Variants in CCDC148 observed in about 807,000 individuals in gnomAD.
The protein encoded by CCDC148 is coiled-coil domain-containing protein 148.
CCDC148 carries 89 observed loss-of-function variants against 85.7 expected under a neutral mutation model. The ratio of observed to expected loss-of-function variants is 1.04; its 90% CI spans 0.87 to 1.24. The LOEUF (loss-of-function observed/expected upper bound fraction) is 1.24, where lower values mean the gene tolerates loss of function less well. Among genes scored for constraint, CCDC148 ranks in the 50% most tolerant of loss-of-function variants. CCDC148 has a pLI of 0.00. For missense variants in CCDC148, 692 were observed against 671.7 expected, an observed-to-expected ratio of 1.03 and a Z score of -0.33; for synonymous variants, 230 against 213.9, an observed-to-expected ratio of 1.08 and a Z score of -0.66.
chr2:158,274,929 A>G (rs1689859289), intron 9 of CCDC148, among the ~76,000 whole-genome samples: 1 of 152,262 alleles, frequency 6.6e-6, no homozygotes, highest in Admixed American at 6.5e-5. Context: ...AGATAAAAGG[A>G]TTTCAAGATG....
At chr2:158,362,485 A>C (rs964511152) in intron 1 of CCDC148, among the ~76,000 whole-genome samples, 9 of 152,234 alleles carry the variant, frequency 5.9e-5, no homozygotes, top group Non-Finnish European at 1.3e-4. Context: ...ATCACAGTGC[A>C]ATCAAATTAG....
intron 9 of CCDC148, among the ~76,000 whole-genome samples, chr2:158,268,261 G>A (rs192910561): frequency 6.6e-6 from 1 of 152,184 alleles, no homozygotes; most frequent in East Asian, 1.9e-4. Flanking sequence ...TCAGAGTTTG[G>A]AGGGCTAGTT....
chr2:158,368,225 C>A (rs2105276972), intron 1 of CCDC148, among the ~76,000 whole-genome samples: 1 of 152,178 alleles, frequency 6.6e-6, no homozygotes, highest in East Asian at 1.9e-4. Flanking sequence ...GATGCCTGGG[C>A]CCCACCAGGG....
chr2:158,398,611 G>A (rs1685633972), intron 1 of CCDC148, among the ~76,000 whole-genome samples: 2 of 152,198 alleles, frequency 1.3e-5, no homozygotes, highest in African/African-American at 4.8e-5. Flanking sequence ...TACCACCTCT[G>A]GGACACATTT....
At chr2:158,204,734 A>T (rs2105285929) in intron 11 of CCDC148, among the ~76,000 whole-genome samples, 1 of 152,344 alleles carries the variant, frequency 6.6e-6, no homozygotes, top group Non-Finnish European at 1.5e-5. Flanking sequence ...GACTCTGTCC[A>T]AATTCATCTC....
At chr2:158,419,561 T>C (rs1032342082) in intron 1 of CCDC148, among the ~76,000 whole-genome samples, 1 of 152,190 alleles carries the variant, frequency 6.6e-6, no homozygotes, top group Non-Finnish European at 1.5e-5. Flanking sequence ...ATTTTTTAAT[T>C]TGTAAAATAG....
intron 2 of CCDC148, among the ~76,000 whole-genome samples, chr2:158,347,378 A>C (rs1286536918): frequency 6.6e-6 from 1 of 152,114 alleles, no homozygotes; most frequent in Non-Finnish European, 1.5e-5. Context: ...GACAATTCCA[A>C]TATTTTGCAG....
chr2:158,452,373 T>C (rs1167621238), intron 1 of CCDC148, among the ~76,000 whole-genome samples: 4 of 152,192 alleles, frequency 2.6e-5, no homozygotes, highest in Non-Finnish European at 5.9e-5. Context: ...TATTTCCAAG[T>C]AGATCCTTTC....
chr2:158,177,518 C>G (rs1208288561), intron 12 of CCDC148, among the ~76,000 whole-genome samples: 2 of 152,058 alleles, frequency 1.3e-5, no homozygotes, highest in African/African-American at 2.4e-5. Flanking sequence ...GAGATAACAG[C>G]TATTTCCTCT....
chr2:158,351,320 G>A (rs917393407), intron 2 of CCDC148, among the ~76,000 whole-genome samples: 2 of 152,200 alleles, frequency 1.3e-5, no homozygotes, highest in African/African-American at 4.8e-5. Context: ...TCCATCTGAG[G>A]TACCGGGTTC....
chr2:158,440,198 T>C (rs1687871490), intron 1 of CCDC148, among the ~76,000 whole-genome samples: 1 of 152,150 alleles, frequency 6.6e-6, no homozygotes, highest in Non-Finnish European at 1.5e-5. Context: ...ATATCAAGTG[T>C]TGACAAGAAT....
intron 1 of CCDC148, among the ~76,000 whole-genome samples, chr2:158,404,864 TAA>T (rs1250038229): frequency 6.6e-6 from 1 of 152,126 alleles, no homozygotes; most frequent in Non-Finnish European, 1.5e-5. Context: ...TGAAAACTTA[TAA>T]GAGTGGAATC....
intron 9 of CCDC148, among the ~76,000 whole-genome samples, chr2:158,269,150 A>T (rs1047911911): frequency 6.6e-6 from 1 of 152,144 alleles, no homozygotes; most frequent in Non-Finnish European, 1.5e-5. Flanking sequence ...CATTTTTTTC[A>T]TAATGGCTGT....
chr2:158,355,374 A>G (rs1683573511), intron 2 of CCDC148, among the ~76,000 whole-genome samples: 1 of 152,216 alleles, frequency 6.6e-6, no homozygotes, highest in Admixed American at 6.5e-5. Context: ...AAGCAACTTC[A>G]GCAAAGTCTC....
intron 2 of CCDC148, 106 bp downstream of exon 2, chr2:158,358,343 T>G: frequency 7.3e-7 from 1 of 1,367,372 alleles, no homozygotes; most frequent in Non-Finnish European, 1.0e-6. Context: ...TGGGAGTTTC[T>G]AACAACTATT....
chr2:158,262,203 A>AT (rs933405674), intron 9 of CCDC148, among the ~76,000 whole-genome samples: 51 of 151,990 alleles, frequency 3.4e-4, no homozygotes, highest in African/African-American at 1.1e-3. Flanking sequence ...AAGATCATAT[A>AT]TTTTGCAGAA....
chr2:158,199,527 G>T (rs1003124857), intron 11 of CCDC148, among the ~76,000 whole-genome samples: 1 of 152,192 alleles, frequency 6.6e-6, no homozygotes, highest in African/African-American at 2.4e-5. Context: ...TTACAAGTGT[G>T]AGCCACCACG....
chr2:158,368,038 C>T (rs1684275332), intron 1 of CCDC148, among the ~76,000 whole-genome samples: 1 of 152,082 alleles, frequency 6.6e-6, no homozygotes, highest in Admixed American at 6.6e-5. Context: ...TTCAAACTCT[C>T]ACATTATAAT....
Position 158,338,734 on chromosome 2 carries a change from G to T in CCDC148, c.756C>A (p.Asp252Glu). The T allele has an allele frequency of 6.2e-7, 1 of 1,604,220 alleles. No homozygotes were observed. The highest frequency in any genetic ancestry group is 8.5e-7 in the Non-Finnish European group (1 of 1,177,110). Residue 252 changes from aspartate to glutamate, a missense_variant, in exon 7 of 14, where the codon GAC becomes GAA. By Grantham distance (45) the Asp-to-Glu change is conservative. Transcript: ENST00000283233. ...CAGTTTTATCTTATCACCTGTATAT[G>T]TCTTCCAACTGCAGATTAAAGTCTT... Reference protein sequence around the residue: ...KLQDFNLQLEDIYRNCQLSEE... With the variant: ...KLQDFNLQLEEIYRNCQLSEE...
Sources: gnomAD v4.1 joint callset for allele counts (sites outside exome capture counted in the v4.1 genomes callset) on GRCh38, gnomAD v4.1.1 for gene constraint, MANE v1.5 for transcripts, NCBI Gene and HGNC (gene_info 2026-07-23, HGNC 2026-07-21) for gene names.